Variants in AGBL1 observed in about 807,000 individuals in gnomAD.
The protein encoded by AGBL1 is cytosolic carboxypeptidase 4.
Under a neutral mutation model 118.9 loss-of-function variants are expected in AGBL1, and 130 were observed. That is an observed-to-expected ratio of 1.09 (90% CI 0.95 to 1.26). The LOEUF (loss-of-function observed/expected upper bound fraction) is 1.26, where lower values mean the gene tolerates loss of function less well. Ranked by LOEUF, AGBL1 falls within the 50% of genes most tolerant of loss-of-function variation. The pLI is 0.00. For synonymous variants in AGBL1, 555 were observed against 478.9 expected (o/e 1.16, Z -2.08); for missense variants, 1,584 against 1,298.1 (o/e 1.22, Z -3.38).
At chr15:86,201,188 G>A (rs1015110495) in intron 5 of AGBL1, among the ~76,000 whole-genome samples, 1 of 152,098 alleles carries the variant, frequency 6.6e-6, no homozygotes. Context: ...CAGGCTACCA[G>A]TGTTTTAAAA....
intron 12 of AGBL1, 105 bp from the exon 13 acceptor site, chr15:86,266,885 G>A: frequency 1.0e-6 from 1 of 1,003,540 alleles, no homozygotes. Flanking sequence ...GGGCAACAGA[G>A]TGAGATTCTG....
chr15:86,119,258 A>G (rs75095877), intron 1 of AGBL1, among the ~76,000 whole-genome samples: 1,985 of 152,298 alleles, frequency 0.013, 21 homozygotes, highest in East Asian at 0.05. Flanking sequence ...CTCATCAGAC[A>G]CTAAAGTGAG....
chr15:86,374,317 A>G (rs1193165317), intron 17 of AGBL1, among the ~76,000 whole-genome samples: 1 of 152,224 alleles, frequency 6.6e-6, no homozygotes, highest in Non-Finnish European at 1.5e-5. Flanking sequence ...GTGTTATTTT[A>G]TGTTTCATGG....
chr15:86,302,797 A>AAT (rs1555463665), intron 17 of AGBL1, among the ~76,000 whole-genome samples: 4,789 of 149,964 alleles, frequency 0.032, 100 homozygotes, highest in African/African-American at 0.059. Context: ...AAAAAAAAAA[A>AAT]AAGTAAATAG....
chr15:86,876,286 G>T (rs2079807074), intron 22 of AGBL1, among the ~76,000 whole-genome samples: 1 of 152,090 alleles, frequency 6.6e-6, no homozygotes. Flanking sequence ...CCAGTAACCT[G>T]GTCTGTGCTT....
At chr15:86,171,941 T>TA (rs1020098371) in intron 5 of AGBL1, among the ~76,000 whole-genome samples, 1 of 152,110 alleles carries the variant, frequency 6.6e-6, no homozygotes, top group East Asian at 1.9e-4. Context: ...AACTCAAGAA[T>TA]AAAAAACCAA....
chr15:86,708,448 T>C (rs1035796045), intron 22 of AGBL1, among the ~76,000 whole-genome samples: 20 of 152,138 alleles, frequency 1.3e-4, no homozygotes, highest in African/African-American at 4.3e-4. Flanking sequence ...TAGACCTTGA[T>C]CTTGGACTTC....
intron 18 of AGBL1, among the ~76,000 whole-genome samples, chr15:86,447,121 C>T (rs1488824419): frequency 6.6e-6 from 1 of 152,148 alleles, no homozygotes; most frequent in Non-Finnish European, 1.5e-5. Context: ...TTGGTTTCAG[C>T]CTAAAAATTA....
At chr15:86,243,665 C>A (rs1164814050) in intron 6 of AGBL1, among the ~76,000 whole-genome samples, 1 of 152,056 alleles carries the variant, frequency 6.6e-6, no homozygotes, top group Admixed American at 6.6e-5. Context: ...ATACGAAAGA[C>A]CCTCAGAACT....
intron 5 of AGBL1, among the ~76,000 whole-genome samples, chr15:86,204,463 C>G (rs755615857): frequency 6.6e-6 from 1 of 151,398 alleles, no homozygotes; most frequent in Admixed American, 6.6e-5. Flanking sequence ...TGCATTGATC[C>G]CTTCCCTTAC....
At chr15:86,927,119 A>G (rs1047440420) in intron 23 of AGBL1, among the ~76,000 whole-genome samples, 7 of 151,924 alleles carry the variant, frequency 4.6e-5, no homozygotes, top group African/African-American at 1.7e-4. Flanking sequence ...ACCCCAGGCG[A>G]CAGTGTGAGA....
At chr15:86,727,346 G>A (rs552751554) in intron 22 of AGBL1, among the ~76,000 whole-genome samples, 6 of 152,112 alleles carry the variant, frequency 3.9e-5, no homozygotes, top group African/African-American at 9.7e-5. Flanking sequence ...GATGTGACGC[G>A]ATCACACATG....
intron 22 of AGBL1, among the ~76,000 whole-genome samples, chr15:86,851,034 A>G (rs997837808): frequency 1.3e-5 from 2 of 152,174 alleles, no homozygotes; most frequent in Non-Finnish European, 2.9e-5. Flanking sequence ...TTTTTGGTCA[A>G]TTATTGAAGG....
At chr15:86,616,036 A>G (rs113344606) in intron 21 of AGBL1, among the ~76,000 whole-genome samples, 2,306 of 152,212 alleles carry the variant, frequency 0.015, 63 homozygotes, top group African/African-American at 0.053. Flanking sequence ...AATTGTCACA[A>G]TACAATAAAA....
chr15:86,599,742 T>C (rs1430710753), intron 21 of AGBL1, among the ~76,000 whole-genome samples: 1 of 152,140 alleles, frequency 6.6e-6, no homozygotes, highest in Admixed American at 6.6e-5. Flanking sequence ...CTCAGATGGA[T>C]TCCCATTTGG....
intron 22 of AGBL1, among the ~76,000 whole-genome samples, chr15:86,786,017 C>T (rs2078407325): frequency 6.6e-6 from 1 of 152,144 alleles, no homozygotes; most frequent in South Asian, 2.1e-4. Context: ...TACAAACACC[C>T]ACTGGGTAAA....
At chr15:87,021,663 A>C (rs896383334) in intron 24 of AGBL1, among the ~76,000 whole-genome samples, 6 of 152,086 alleles carry the variant, frequency 3.9e-5, no homozygotes, top group African/African-American at 1.4e-4. Context: ...AAAACATACA[A>C]CCCCATTAAA....
intron 5 of AGBL1, among the ~76,000 whole-genome samples, chr15:86,164,023 A>T (rs2077303415): frequency 6.6e-6 from 1 of 152,226 alleles, no homozygotes; most frequent in African/African-American, 2.4e-5. Context: ...AGAGACTGCG[A>T]AGCAGCAGCC....
At chr15:86,516,259 G>A (rs1253436504) in intron 18 of AGBL1, among the ~76,000 whole-genome samples, 1 of 152,172 alleles carries the variant, frequency 6.6e-6, no homozygotes, top group Non-Finnish European at 1.5e-5. Flanking sequence ...GGCAAATTGT[G>A]AGGCAGGTAT....
Sources: gnomAD v4.1 joint callset for allele counts (sites outside exome capture counted in the v4.1 genomes callset) on GRCh38, gnomAD v4.1.1 for gene constraint, MANE v1.5 for transcripts, NCBI Gene and HGNC (gene_info 2026-07-23, HGNC 2026-07-21) for gene names.